The following GGNBP2 variants were observed in gnomAD, a reference collection of about 807,000 sequenced individuals.
GGNBP2 encodes gametogenetin binding protein 2, also known as gametogenetin-binding protein 2.
A neutral mutation model predicts 85.9 loss-of-function variants in GGNBP2; 10 were observed. The observed-to-expected ratio is 0.12, with a 90% CI of 0.07 to 0.20. GGNBP2 has a LOEUF of 0.20. Among genes scored for constraint, GGNBP2 ranks in the 10% least tolerant of loss-of-function variants. The probability of loss-of-function intolerance (pLI) is 1.00; values close to 1 mark genes in which losing one functional copy is unlikely to be tolerated. For missense variants in GGNBP2, 595 were observed against 857.8 expected (o/e 0.69, Z 3.83); for synonymous variants, 287 against 285.7 (o/e 1.00, Z -0.05).
In GGNBP2 at chr17:36,587,207, G is replaced by C. The variant is rs568125729; in HGVS notation, c.1852G>C (p.Asp618His). ...AEPTETLFGP[D>H]SGKGAKSLVE... ...ACCTACAGAAACGTTGTTTGGTCCC[G>C]ATTCCGGAAAAGGTGCCAAGAGCTT... The change falls in exon 13 of 14, where the codon GAT becomes CAT. Residue 618 changes from aspartate (D) to histidine (H), a missense_variant. This residue lies in a region of GGNBP2 where 120 missense variants were observed against 126.3 expected (regional missense o/e 0.95). Coordinates refer to ENST00000613102, the MANE Select transcript of GGNBP2 (RefSeq NM_024835.5). 1.2e-6 allele frequency: 2 copies of C among 1,614,158 alleles called. No individual in the cohort carries two copies. The highest frequency in any genetic ancestry group is 1.7e-6 in the Non-Finnish European group (2 of 1,180,030).
At chr17:36,573,710 A>AGTG (rs1386552215) in intron 6 of GGNBP2, among the ~76,000 whole-genome samples, 2 of 152,060 alleles carry the variant, frequency 1.3e-5, no homozygotes, top group African/African-American at 4.8e-5. Context: ...TTGTTTTGAT[A>AGTG]GTGGTCATTC....
chr17:36,579,574 G>T (rs1443405765), intron 8 of GGNBP2, among the ~76,000 whole-genome samples, 155 bp downstream of exon 8: 2 of 152,192 alleles, frequency 1.3e-5, no homozygotes, highest in Non-Finnish European at 1.5e-5. Context: ...GGGTTGGAGT[G>T]GGGGTGGTCT....
At chr17:36,558,749 C>T (rs566461908) in intron 4 of GGNBP2, among the ~76,000 whole-genome samples, 45 of 142,118 alleles carry the variant, frequency 3.2e-4, no homozygotes, top group African/African-American at 1.1e-3. Flanking sequence ...AGCCACCGTG[C>T]CTGGCTGAGG....
At chr17:36,555,486 T>C (rs2074353080) in intron 3 of GGNBP2, among the ~76,000 whole-genome samples, 1 of 152,150 alleles carries the variant, frequency 6.6e-6, no homozygotes, top group Non-Finnish European at 1.5e-5. Flanking sequence ...TTGAGTTCAG[T>C]AGTTGGAGAC....
intron 4 of GGNBP2, among the ~76,000 whole-genome samples, chr17:36,559,457 T>C (rs929246412): frequency 6.6e-6 from 1 of 152,090 alleles, no homozygotes; most frequent in Non-Finnish European, 1.5e-5. Context: ...GGGTTAGAGA[T>C]GTAAATTTGT....
At position 36,559,202 on chromosome 17, in the gene GGNBP2, G is replaced by A. The variant is rs1404874978; in HGVS notation, c.429-1571G>A. Among the ~76,000 whole-genome samples, 7 of 122,282 alleles carry A rather than the reference G, an allele frequency of 5.7e-5. 1 individual carries two copies. The highest frequency in any genetic ancestry group is 1.9e-5 in the Non-Finnish European group (1 of 52,890). The allele number at this position is 122,282 out of a possible 152,430, so 80.2% of individuals were successfully genotyped here. A position where few individuals can be genotyped will look rare whatever the true frequency, so the allele number is the denominator to read the frequency against. On this transcript the variant is annotated intron_variant, in intron 4 of 13. Transcript: ENST00000613102. ...TAATCCCAGCTACTCAGGAGGCTGA[G>A]ACGGGAATCGCTTGAACCCGGGAGG... is the stretch of plus-strand genomic sequence containing the variant.
chr17:36,557,392 G>A (rs2074373141), intron 4 of GGNBP2, 56 bp downstream of exon 4: 4 of 1,405,164 alleles, frequency 2.8e-6, no homozygotes, highest in Admixed American at 1.9e-5. Flanking sequence ...ACAGCTTGGT[G>A]ACAGTGGCAG....
intron 9 of GGNBP2, 89 bp downstream of exon 9, chr17:36,581,627 C>A: frequency 1.0e-6 from 1 of 976,588 alleles, no homozygotes; most frequent in Non-Finnish European, 1.5e-6. Context: ...CGCCTGTGAT[C>A]CCAGCACTTT....
At chr17:36,583,343 C>T (rs902284571) in intron 9 of GGNBP2, among the ~76,000 whole-genome samples, 4 of 151,546 alleles carry the variant, frequency 2.6e-5, no homozygotes, top group East Asian at 3.9e-4. Flanking sequence ...TGAGCCACCG[C>T]GCCTGACGGA....
At chr17:36,585,662 A>G in intron 10 of GGNBP2, 178 bp from the exon 11 acceptor site, 1 of 635,092 alleles carries the variant, frequency 1.6e-6, no homozygotes, top group South Asian at 2.7e-5. Context: ...TAAATTCCTA[A>G]TCATATTTTC....
In GGNBP2 at chr17:36,589,466, T is replaced by C. The variant is rs1344257192; in HGVS notation, c.*55T>C. On this transcript the variant is annotated 3_prime_UTR_variant, in exon 14 of 14. Coordinates refer to ENST00000613102, the MANE Select transcript of GGNBP2 (RefSeq NM_024835.5). ...AACACTCACGATGACTACTGCGCCT[T>C]CTCTTTCGAAAAACTCTTAATTTAG... 7.4e-7 allele frequency: 1 copy of C among 1,351,540 alleles called. No homozygotes were observed. The highest frequency in any genetic ancestry group is 1.5e-5 in the African/African-American group (1 of 68,730). The allele number at this position is 1,351,540 out of a possible 1,614,324, so 83.7% of individuals were successfully genotyped here.
In GGNBP2 at chr17:36,575,087, G is replaced by T. The variant is rs117258724; in HGVS notation, c.642-2896G>T. The T allele has an allele frequency of 6.8e-3, 6,109 of 900,702 alleles. 42 individuals are homozygous for T. The highest frequency in any genetic ancestry group is 9.9e-3 in the Non-Finnish European group (5,615 of 565,664). The allele number at this position is 900,702 out of a possible 1,614,324, so 55.8% of individuals were successfully genotyped here. A position where few individuals can be genotyped will look rare whatever the true frequency, so the allele number is the denominator to read the frequency against. Reference sequence around the variant, plus strand: ...GATCTCAGATTCCTTCATGGGCAGGGAGAAGACATACATCTCCTCCAGGGA... The same window carrying T: ...GATCTCAGATTCCTTCATGGGCAGGTAGAAGACATACATCTCCTCCAGGGA... On this transcript the variant is annotated intron_variant, in intron 6 of 13. Coordinates refer to ENST00000613102, the MANE Select transcript of GGNBP2 (RefSeq NM_024835.5).
intron 5 of GGNBP2, among the ~76,000 whole-genome samples, chr17:36,562,946 T>A (rs1343300460): frequency 4.7e-5 from 4 of 84,894 alleles, no homozygotes; most frequent in Admixed American, 1.9e-4. Context: ...AGAGCGAGAC[T>A]CTGTCTCAAA....
chr17:36,586,316 C>G (rs934779709), intron 12 of GGNBP2, 118 bp downstream of exon 12: 3 of 1,298,086 alleles, frequency 2.3e-6, no homozygotes, highest in Non-Finnish European at 3.1e-6. Flanking sequence ...AGAATGAGTT[C>G]TTTATGCAGT....
chr17:36,583,302 T>C (rs2074669617), intron 9 of GGNBP2, among the ~76,000 whole-genome samples: 1 of 152,132 alleles, frequency 6.6e-6, no homozygotes, highest in Non-Finnish European at 1.5e-5. Context: ...TCCGCCCGCC[T>C]CAGCCTCCCA....
At position 36,557,304 on chromosome 17, in the gene GGNBP2, A is replaced by C; in HGVS notation, c.396A>C (p.Ala132=). Reference sequence around the variant, plus strand: ...TAACTAGAAGCTGCATGACTGATGCAAAGAAGCTTTATACATTATTTTATG... The same window carrying C: ...TAACTAGAAGCTGCATGACTGATGCCAAGAAGCTTTATACATTATTTTATG... ...LSVTRSCMTD[A]KKLYTLFYVH... The change falls in exon 4 of 14, where the codon GCA becomes GCC. Residue 132 remains alanine, a synonymous_variant. Transcript: ENST00000613102. 6.2e-7 allele frequency: 1 copy of C among 1,613,926 alleles called. No individual in the cohort carries two copies. The highest frequency in any genetic ancestry group is 1.3e-5 in the African/African-American group (1 of 75,050).
chr17:36,574,933 G>A, intron 6 of GGNBP2: 1 of 1,077,484 alleles, frequency 9.3e-7, no homozygotes, highest in Non-Finnish European at 1.4e-6. Flanking sequence ...CCAGACCGAT[G>A]TGGCCATTGT....
chr17:36,549,573 C>T (rs535295132), intron 2 of GGNBP2, among the ~76,000 whole-genome samples: 1 of 152,068 alleles, frequency 6.6e-6, no homozygotes, highest in Non-Finnish European at 1.5e-5. Flanking sequence ...TCATGCTTCT[C>T]AGGGATAAGC....
intron 6 of GGNBP2, among the ~76,000 whole-genome samples, chr17:36,575,638 A>AT (rs1332902851): frequency 2.2e-3 from 104 of 46,262 alleles, no homozygotes; most frequent in African/African-American, 8.4e-3. Flanking sequence ...ATATATATAT[A>AT]TATATATATA....
Sources: gnomAD v4.1 joint callset for allele counts (sites outside exome capture counted in the v4.1 genomes callset) on GRCh38, gnomAD v4.1.1 for gene constraint, gnomAD v4.1.1 regional missense constraint, MANE v1.5 for transcripts, NCBI Gene and HGNC (gene_info 2026-07-23, HGNC 2026-07-21) for gene names.